Variants in PFKFB3 observed in about 807,000 individuals in gnomAD.
The protein encoded by PFKFB3 is 6-phosphofructo-2-kinase/fructose-2,6-bisphosphatase 3.
In PFKFB3, 33 loss-of-function variants were observed where a neutral mutation model predicts 68.0. The ratio of observed to expected loss-of-function variants is 0.49; its 90% CI spans 0.37 to 0.65. The LOEUF is 0.65. Ranked by LOEUF, PFKFB3 falls within the 30% of genes least tolerant of loss-of-function variation. PFKFB3 has a pLI of 0.00. For synonymous variants in PFKFB3, 315 were observed against 288.2 expected, an observed-to-expected ratio of 1.09 and a Z score of -0.94; for missense variants, 586 against 712.2, an observed-to-expected ratio of 0.82 and a Z score of 2.02.
intron 14 of PFKFB3, among the ~76,000 whole-genome samples, chr10:6,248,859 G>A (rs1446776706): frequency 1.3e-5 from 2 of 152,082 alleles, no homozygotes; most frequent in Non-Finnish European, 2.9e-5. Flanking sequence ...GATAACAAGT[G>A]TTGGTGAGGA....
chr10:6,192,094 C>T (rs1312991084), intron 1 of PFKFB3, among the ~76,000 whole-genome samples: 1 of 150,844 alleles, frequency 6.6e-6, no homozygotes, highest in Non-Finnish European at 1.5e-5. Flanking sequence ...TGTGATTTGG[C>T]CTTCACTCCT....
chr10:6,265,081 C>CTTT, the PFKFB3 span, among the ~76,000 whole-genome samples: 5 of 76,634 alleles, frequency 6.5e-5, no homozygotes, highest in African/African-American at 2.2e-4. Flanking sequence ...CTTTTTCTTT[C>CTTT]ATTTTTTTTT....
At chr10:6,183,292 G>A (rs1313815524) in intron 1 of PFKFB3, among the ~76,000 whole-genome samples, 1 of 152,184 alleles carries the variant, frequency 6.6e-6, no homozygotes, top group Non-Finnish European at 1.5e-5. Flanking sequence ...CTTTGGGGTT[G>A]GCTTATTCTA....
At chr10:6,226,980 G>A (rs1588533126) in intron 14 of PFKFB3, among the ~76,000 whole-genome samples, 2 of 152,124 alleles carry the variant, frequency 1.3e-5, no homozygotes, top group Non-Finnish European at 2.9e-5. Context: ...CAGCTTCTCA[G>A]GAGGCTGAGG....
the PFKFB3 span, among the ~76,000 whole-genome samples, chr10:6,308,956 G>A: frequency 3.9e-5 from 6 of 152,170 alleles, no homozygotes; most frequent in Non-Finnish European, 5.9e-5. Context: ...AAAGGCACAC[G>A]GGAATGTGCC....
intron 1 of PFKFB3, among the ~76,000 whole-genome samples, chr10:6,153,771 C>T (rs1841676688): frequency 6.6e-6 from 1 of 151,868 alleles, no homozygotes; most frequent in Non-Finnish European, 1.5e-5. Context: ...AGGAGAATTG[C>T]TTGAACCTGG....
intron 10 of PFKFB3, 196 bp from the exon 11 acceptor site, chr10:6,222,659 G>A: frequency 2.1e-6 from 1 of 485,506 alleles, no homozygotes; most frequent in Non-Finnish European, 3.5e-6. Context: ...CCCCGTGTGG[G>A]AGCGGAGTGG....
rs531498608 is a variant in PFKFB3, at chr10:6,234,595, C to T, written c.*1653C>T. The T allele has an allele frequency of 2.7e-4, 41 of 152,162 alleles. No individual in the cohort carries two copies. Among genetic ancestry groups the T allele is most frequent in the Non-Finnish European group, 4.7e-4 (32 of 68,038 alleles). 9.4% of individuals were successfully genotyped at this position (152,162 alleles called of 1,614,324 possible). ...GCATTCCCGTGCAGCTCCAGGCTCG[C>T]GCAGTTTTCTCTCTCTCCCTGGATG... On this transcript the variant is annotated 3_prime_UTR_variant, in exon 15 of 15. Transcript: ENST00000379775.
chr10:6,313,680 T>C, the PFKFB3 span, among the ~76,000 whole-genome samples: 1 of 152,240 alleles, frequency 6.6e-6, no homozygotes, highest in East Asian at 1.9e-4. This position sits in a 1 kb window ranked among gnomAD's most constrained non-coding sequence, Gnocchi z 4.2. Context: ...CTCTAGATGA[T>C]GAGCTAATGG....
chr10:6,275,229 T>G, the PFKFB3 span, among the ~76,000 whole-genome samples: 2 of 152,232 alleles, frequency 1.3e-5, no homozygotes, highest in Non-Finnish European at 2.9e-5. This position sits in a 1 kb window ranked among gnomAD's most constrained non-coding sequence, Gnocchi z 4.9. Flanking sequence ...CAAACCGATG[T>G]GGCCTCTGGA....
chr10:6,178,599 C>T (rs1055086853), intron 1 of PFKFB3, among the ~76,000 whole-genome samples: 4 of 152,176 alleles, frequency 2.6e-5, no homozygotes, highest in African/African-American at 7.2e-5. Context: ...CCCACGGGTC[C>T]CTCCTGCCCT....
chr10:6,271,341 C>G, the PFKFB3 span, among the ~76,000 whole-genome samples: 1 of 152,218 alleles, frequency 6.6e-6, no homozygotes, highest in African/African-American at 2.4e-5. Context: ...CTGGGAGGCC[C>G]AGGCTACGTT....
At chr10:6,225,417 C>T (rs1316479981) in intron 13 of PFKFB3, among the ~76,000 whole-genome samples, 4 of 152,200 alleles carry the variant, frequency 2.6e-5, no homozygotes, top group Admixed American at 6.5e-5. Flanking sequence ...TGTGGGTCAC[C>T]GGATGCTGTC....
At chr10:6,300,741 T>A in the PFKFB3 span, among the ~76,000 whole-genome samples, 1 of 152,130 alleles carries the variant, frequency 6.6e-6, no homozygotes, top group Admixed American at 6.5e-5. Context: ...CAGAGTTGAG[T>A]GCAGCTGGGT....
At chr10:6,181,195 ATGTTT>A (rs1842703544) in intron 1 of PFKFB3, among the ~76,000 whole-genome samples, 1 of 152,124 alleles carries the variant, frequency 6.6e-6, no homozygotes, top group Admixed American at 6.5e-5. Flanking sequence ...TTCCAAAAAA[ATGTTT>A]TGTAGAGATA....
Position 6,210,453 on chromosome 10 carries a change from C to T in PFKFB3, c.77-3170C>T, listed in dbSNP as rs1183334838. Among the ~76,000 whole-genome samples, 7 of 112,670 alleles carry T rather than the reference C, an allele frequency of 6.2e-5. 1 individual carries two copies. The highest frequency in any genetic ancestry group is 1.1e-4 in the African/African-American group (4 of 37,078). 73.9% of individuals were successfully genotyped at this position (112,670 alleles called of 152,430 possible). On this transcript the variant is annotated intron_variant, in intron 1 of 14. Coordinates refer to ENST00000379775, the MANE Select transcript of PFKFB3 (RefSeq NM_004566.4). ...TCGGCTCACTGCAAGCTCCGCCTCC[C>T]GGGTTCACGCCATTCTCCTGCCTCA... is the stretch of plus-strand genomic sequence containing the variant.
intron 1 of PFKFB3, among the ~76,000 whole-genome samples, chr10:6,190,304 A>G (rs1364335655): frequency 6.6e-6 from 1 of 152,206 alleles, no homozygotes; most frequent in East Asian, 1.9e-4. Context: ...TGAAACAATT[A>G]TTCCTGCAGT....
chr10:6,154,432 G>A lies in PFKFB3; in HGVS notation c.16+9419G>A, dbSNP rs1841703334. 6.6e-6 allele frequency among the ~76,000 whole-genome samples: 1 copy of A among 152,126 alleles called. No individual in the cohort carries two copies. The highest frequency in any genetic ancestry group is 1.5e-5 in the Non-Finnish European group (1 of 68,024). On this transcript the variant is annotated intron_variant, in intron 1 of 14. Transcript: ENST00000379789. This position sits in a 1 kb window ranked among gnomAD's most constrained non-coding sequence, Gnocchi z 4.6. Reference sequence around the variant, plus strand: ...AGCTAATTTTTTTGTATTTTTAGTAGAGACGGAATTTCACCACGTTGGTCA... The same window carrying A: ...AGCTAATTTTTTTGTATTTTTAGTAAAGACGGAATTTCACCACGTTGGTCA...
At chr10:6,185,951 G>A (rs942942004) in intron 1 of PFKFB3, among the ~76,000 whole-genome samples, 5 of 152,086 alleles carry the variant, frequency 3.3e-5, no homozygotes, top group African/African-American at 9.6e-5. Flanking sequence ...CTGTCCTCCA[G>A]TTTTAAGAAC....
Sources: gnomAD v4.1 joint callset for allele counts (sites outside exome capture counted in the v4.1 genomes callset) on GRCh38, gnomAD v4.1.1 for gene constraint, Gnocchi (gnomAD v3.1) non-coding constraint, MANE v1.5 for transcripts, NCBI Gene and HGNC (gene_info 2026-07-23, HGNC 2026-07-21) for gene names.